The following RBPMS variants were observed in gnomAD, a reference collection of about 807,000 sequenced individuals.
RBPMS encodes RNA binding protein, mRNA processing factor, also known as RNA-binding protein with multiple splicing.
A neutral mutation model predicts 26.8 loss-of-function variants in RBPMS; 7 were observed. The ratio of observed to expected loss-of-function variants is 0.26; its 90% CI spans 0.15 to 0.49. RBPMS has a LOEUF of 0.49. Among genes scored for constraint, RBPMS ranks in the 20% least tolerant of loss-of-function variants. The pLI, the probability that RBPMS is intolerant of heterozygous loss-of-function variation, is 0.98. For synonymous variants in RBPMS, 96 were observed against 93.3 expected (o/e 1.03, Z -0.17); for missense variants, 186 against 250.0 (o/e 0.74, Z 1.73).
chr8:30,413,163 C>G lies in RBPMS; in HGVS notation c.66+28005C>G, dbSNP rs866115813. On this transcript the variant is annotated intron_variant, in intron 1 of 8. Transcript: ENST00000397323. ...GCACCATCTTGGCTCACTGCAGCCTCTGCCACTCAGGTTCAAGTGATTCTC... is the reference window on the plus strand; with the variant it reads ...GCACCATCTTGGCTCACTGCAGCCTGTGCCACTCAGGTTCAAGTGATTCTC... Among the ~76,000 whole-genome samples the G allele has an allele frequency of 2.4e-4, 37 of 152,322 alleles. No homozygotes were observed. The Middle Eastern group carries it at 0.017, about 70-fold the overall frequency.
chr8:30,465,792 A>G (rs964708788), intron 1 of RBPMS, among the ~76,000 whole-genome samples: 14 of 152,208 alleles, frequency 9.2e-5, no homozygotes, highest in African/African-American at 3.1e-4. Context: ...TTGTCTGAAA[A>G]GAAGAAAAAA....
At chr8:30,429,495 C>T (rs967542503) in intron 1 of RBPMS, among the ~76,000 whole-genome samples, 3 of 152,214 alleles carry the variant, frequency 2.0e-5, no homozygotes, top group Non-Finnish European at 4.4e-5. Context: ...TTAGAAGCCT[C>T]AACCACCCCA....
chr8:30,385,152 G>A lies in RBPMS; in HGVS notation c.60G>A (p.Glu20=). 1 of 1,519,352 alleles carries A rather than the reference G, an allele frequency of 6.6e-7. No homozygotes were observed. Among genetic ancestry groups the A allele is most frequent in the Non-Finnish European group, 8.8e-7 (1 of 1,134,240 alleles). The allele number at this position is 1,519,352 out of a possible 1,614,324, so 94.1% of individuals were successfully genotyped here. The change falls in exon 1 of 9, where the codon GAG becomes GAA. Residue 20 remains glutamate (E), a synonymous_variant. Transcript: ENST00000397323. ...CCCCGAGCGAGGCCAACCTTCAGGAGGAGGAGGTACTGGGCGGCTCGGTGT... is the reference window on the plus strand; with the variant it reads ...CCCCGAGCGAGGCCAACCTTCAGGAAGAGGAGGTACTGGGCGGCTCGGTGT... The part of the protein sequence containing the change: ...ENTPSEANLQ[E]EEVRTLFVSG...
chr8:30,491,515 G>A (rs888466115), intron 4 of RBPMS, among the ~76,000 whole-genome samples: 3 of 152,150 alleles, frequency 2.0e-5, no homozygotes, highest in Non-Finnish European at 4.4e-5. Context: ...ATACTGGAGA[G>A]CAGAAACAGG....
chr8:30,539,151 A>G (rs1015554902), intron 5 of RBPMS, among the ~76,000 whole-genome samples: 4 of 151,594 alleles, frequency 2.6e-5, no homozygotes, highest in African/African-American at 9.8e-5. Context: ...CCTATTAAAA[A>G]TGGAATTTTT....
chr8:30,479,243 A>G, intron 3 of RBPMS, 72 bp from the exon 4 acceptor site: 1 of 1,084,594 alleles, frequency 9.2e-7, no homozygotes, highest in Non-Finnish European at 1.4e-6. Flanking sequence ...CTTCAGTTTG[A>G]TGTCACCCTT....
At chr8:30,559,954 GATC>G (rs1249926742) in intron 7 of RBPMS, among the ~76,000 whole-genome samples, 3 of 152,126 alleles carry the variant, frequency 2.0e-5, no homozygotes, top group African/African-American at 7.2e-5. Flanking sequence ...GCTTTTGTTA[GATC>G]ATTTGAAGCC....
intron 1 of RBPMS, among the ~76,000 whole-genome samples, chr8:30,462,408 CATT>C (rs1816014942): frequency 1.3e-5 from 2 of 151,834 alleles, no homozygotes; most frequent in Non-Finnish European, 2.9e-5. Flanking sequence ...AATTAAGTAA[CATT>C]ATACTTTTTT....
At chr8:30,417,257 T>C (rs1475080039) in intron 1 of RBPMS, among the ~76,000 whole-genome samples, 1 of 152,364 alleles carries the variant, frequency 6.6e-6, no homozygotes, top group East Asian at 1.9e-4. Flanking sequence ...TATATCACGA[T>C]GACTGGATAT....
chr8:30,450,275 T>C (rs1814408730), intron 1 of RBPMS, among the ~76,000 whole-genome samples: 1 of 152,224 alleles, frequency 6.6e-6, no homozygotes, highest in Admixed American at 6.5e-5. Flanking sequence ...ATTTAATCAT[T>C]TGCATGCTAG....
At chr8:30,479,488 A>G in intron 4 of RBPMS, 111 bp downstream of exon 4, 1 of 800,902 alleles carries the variant, frequency 1.2e-6, no homozygotes, top group Non-Finnish European at 2.1e-6. Context: ...ACAGTCTAAG[A>G]GGGAGGGATT....
chr8:30,440,547 A>G (rs1353089646), intron 1 of RBPMS, among the ~76,000 whole-genome samples: 1 of 151,866 alleles, frequency 6.6e-6, no homozygotes, highest in East Asian at 1.9e-4. Flanking sequence ...CTTCCATCGT[A>G]TTTTTCCATC....
intron 5 of RBPMS, among the ~76,000 whole-genome samples, chr8:30,542,935 T>G (rs1051148697): frequency 6.6e-6 from 1 of 152,196 alleles, no homozygotes; most frequent in East Asian, 1.9e-4. Context: ...TTTTAAGGAC[T>G]CTGGTGTTGT....
chr8:30,496,131 G>A (rs1383526438), intron 4 of RBPMS, among the ~76,000 whole-genome samples: 2 of 151,192 alleles, frequency 1.3e-5, no homozygotes, highest in African/African-American at 4.9e-5. Flanking sequence ...TGCCTGTGTG[G>A]TATTCAGTCA....
chr8:30,484,633 TTTC>T (rs1358459060), intron 4 of RBPMS, among the ~76,000 whole-genome samples: 1 of 152,150 alleles, frequency 6.6e-6, no homozygotes, highest in Non-Finnish European at 1.5e-5. Flanking sequence ...TATTAAATTA[TTTC>T]TTGACTATTG....
At chr8:30,445,772 A>C (rs1400334006) in intron 1 of RBPMS, among the ~76,000 whole-genome samples, 1 of 151,324 alleles carries the variant, frequency 6.6e-6, no homozygotes, top group African/African-American at 2.4e-5. Flanking sequence ...GGCTCCAGCG[A>C]GCCTATATCA....
intron 1 of RBPMS, among the ~76,000 whole-genome samples, chr8:30,452,042 A>G (rs1814646423): frequency 6.6e-6 from 1 of 152,150 alleles, no homozygotes. Flanking sequence ...TTTTCTGTCA[A>G]GTGCTTTGTC....
chr8:30,531,336 CAG>C (rs1824203385), intron 5 of RBPMS, among the ~76,000 whole-genome samples: 2 of 113,166 alleles, frequency 1.8e-5, no homozygotes, highest in South Asian at 3.6e-4. Context: ...GAAGTCATGC[CAG>C]AGCCAACCAG....
intron 8 of RBPMS, among the ~76,000 whole-genome samples, 157 bp from the exon 9 acceptor site, chr8:30,570,480 A>T (rs1828197308): frequency 6.6e-6 from 1 of 152,218 alleles, no homozygotes; most frequent in Non-Finnish European, 1.5e-5. Flanking sequence ...AGGTGAGACC[A>T]CTGACACATG....
Sources: allele counts gnomAD v4.1 joint callset (sites outside exome capture counted in the v4.1 genomes callset), GRCh38; gene constraint gnomAD v4.1.1; transcripts MANE v1.5; gene names NCBI Gene and HGNC (gene_info 2026-07-23, HGNC 2026-07-21).